The following SND1 variants were observed in gnomAD, a reference collection of about 807,000 sequenced individuals.
The protein encoded by SND1 is staphylococcal nuclease domain-containing protein 1.
SND1 carries 38 observed loss-of-function variants against 121.7 expected under a neutral mutation model. The observed-to-expected ratio is 0.31, with a 90% CI of 0.24 to 0.41. The LOEUF (loss-of-function observed/expected upper bound fraction) is 0.41. SND1 is among the 10% of genes least tolerant of loss of function. The pLI, the probability that SND1 is intolerant of heterozygous loss-of-function variation, is 1.00. For missense variants in SND1, 868 were observed against 1,184.6 expected (o/e 0.73, Z 3.92); for synonymous variants, 401 against 447.4 (o/e 0.90, Z 1.31).
chr7:128,066,795 T>C lies in SND1; in HGVS notation c.1780-7707T>C, dbSNP rs551494078. Among the ~76,000 whole-genome samples the C allele has an allele frequency of 6.9e-4, 105 of 152,232 alleles. 5 individuals carry two copies. The South Asian group carries it at 0.017, about 25-fold the overall frequency. ...TACAGCCTTCACGCAGCATCAGTGA[T>C]GGTAGAAAACCCAGCCTTGGGCAAG... On this transcript the variant is annotated intron_variant, in intron 16 of 23. Transcript: ENST00000354725.
chr7:127,775,277 A>T (rs1458753821), intron 10 of SND1, among the ~76,000 whole-genome samples: 1 of 151,840 alleles, frequency 6.6e-6, no homozygotes, highest in African/African-American at 2.4e-5. Context: ...ATAAATTCCT[A>T]TTGTTTTAAG....
chr7:127,885,179 C>T (rs1799872429), intron 12 of SND1, among the ~76,000 whole-genome samples: 1 of 152,118 alleles, frequency 6.6e-6, no homozygotes, highest in Non-Finnish European at 1.5e-5. Flanking sequence ...AGCATGGCCC[C>T]TGCCCTCACA....
chr7:127,764,671 C>G (rs1463455821), intron 10 of SND1, among the ~76,000 whole-genome samples: 1 of 152,112 alleles, frequency 6.6e-6, no homozygotes, highest in Non-Finnish European at 1.5e-5. Context: ...TTTAAATTTC[C>G]CATTTGCATT....
intron 10 of SND1, among the ~76,000 whole-genome samples, chr7:127,727,869 C>G (rs968824177): frequency 4.6e-5 from 7 of 152,074 alleles, no homozygotes; most frequent in Non-Finnish European, 1.0e-4. Context: ...GTGGGTGGGT[C>G]TTAGCTCATC....
At chr7:127,903,677 G>T (rs546652741) in intron 13 of SND1, among the ~76,000 whole-genome samples, 23 of 152,200 alleles carry the variant, frequency 1.5e-4, no homozygotes, top group Admixed American at 5.9e-4. Flanking sequence ...GCTTATGAGG[G>T]TTTACTTTAG....
intron 10 of SND1, among the ~76,000 whole-genome samples, chr7:127,806,203 C>T (rs1357794037): frequency 6.6e-6 from 1 of 152,188 alleles, no homozygotes; most frequent in African/African-American, 2.4e-5. Flanking sequence ...AGTCTCTTGA[C>T]TTACGCATGT....
intron 12 of SND1, among the ~76,000 whole-genome samples, chr7:127,880,128 G>A (rs1799763684): frequency 6.6e-6 from 1 of 152,178 alleles, no homozygotes; most frequent in African/African-American, 2.4e-5. Context: ...TTCCAGCGTA[G>A]GCTATGAATC....
At chr7:128,022,806 C>G (rs1273448980) in intron 16 of SND1, among the ~76,000 whole-genome samples, 2 of 150,534 alleles carry the variant, frequency 1.3e-5, no homozygotes, top group Non-Finnish European at 1.5e-5. Context: ...TCCCTGAAGG[C>G]TGGGTTGCTT....
At chr7:127,710,180 C>T (rs910754584) in intron 9 of SND1, among the ~76,000 whole-genome samples, 9 of 151,920 alleles carry the variant, frequency 5.9e-5, no homozygotes, top group Non-Finnish European at 1.3e-4. Context: ...ATGTCAGTAT[C>T]GTAAATAAAT....
chr7:128,019,019 C>G (rs953983929), intron 16 of SND1, among the ~76,000 whole-genome samples: 1 of 152,188 alleles, frequency 6.6e-6, no homozygotes, highest in Admixed American at 6.5e-5. Flanking sequence ...CATTTCACAT[C>G]TCAAATGTCC....
intron 1 of SND1, among the ~76,000 whole-genome samples, chr7:127,676,028 T>G (rs1795610130): frequency 1.3e-5 from 2 of 152,232 alleles, no homozygotes; most frequent in African/African-American, 2.4e-5. Flanking sequence ...AGTTTTCGAT[T>G]GTGAAGTCTA....
intron 4 of SND1, among the ~76,000 whole-genome samples, chr7:127,699,333 T>C (rs548057897): frequency 6.6e-6 from 1 of 152,330 alleles, no homozygotes; most frequent in African/African-American, 2.4e-5. Context: ...TAGACTTAGC[T>C]TCTGCTGACG....
rs908027508 is a variant in SND1 at position 127,858,093 on chromosome 7, C to T, written c.1343+13669C>T. On this transcript the variant is annotated intron_variant, in intron 12 of 23. Transcript: ENST00000354725. ...CTCTCTGGGTAGGGGTTGGGGTCTC[C>T]AGTTCCCCCTCTGCCACTTCCTCAG... 4.2e-6 allele frequency: 4 copies of T among 950,336 alleles called. No homozygotes were observed. The Admixed American group carries it at 5.1e-5, about 12-fold the overall frequency. The allele number at this position is 950,336 out of a possible 1,614,324, so 58.9% of individuals were successfully genotyped here. A position where few individuals can be genotyped will look rare whatever the true frequency, so the allele number is the denominator to read the frequency against.
intron 1 of SND1, among the ~76,000 whole-genome samples, chr7:127,660,800 C>T (rs1334071765): frequency 6.6e-6 from 1 of 152,150 alleles, no homozygotes; most frequent in Non-Finnish European, 1.5e-5. Context: ...CTTCTTAAAT[C>T]CTTTCTGGGA....
intron 9 of SND1, among the ~76,000 whole-genome samples, chr7:127,708,237 G>T (rs1293398744): frequency 6.6e-6 from 1 of 152,116 alleles, no homozygotes; most frequent in Non-Finnish European, 1.5e-5. Context: ...ATGATGTTTG[G>T]TAGGTTAGGT....
chr7:127,708,421 T>TCCTCCCTCCCTC (rs35329729), intron 9 of SND1, among the ~76,000 whole-genome samples: 2 of 150,136 alleles, frequency 1.3e-5, no homozygotes, highest in African/African-American at 2.5e-5. Flanking sequence ...CTTCCTGCCT[T>TCCTCCCTCCCTC]CCTCCCTTCC....
intron 13 of SND1, among the ~76,000 whole-genome samples, chr7:127,894,518 AAGAT>A (rs1355749421): frequency 6.6e-6 from 1 of 152,150 alleles, no homozygotes; most frequent in African/African-American, 2.4e-5. Flanking sequence ...GCTAAGTTAA[AAGAT>A]AGAATTTTAG....
intron 10 of SND1, among the ~76,000 whole-genome samples, chr7:127,732,066 C>T (rs1796687048): frequency 6.6e-6 from 1 of 152,218 alleles, no homozygotes; most frequent in Non-Finnish European, 1.5e-5. Context: ...CCTTTGTGCC[C>T]ACCCCAGAGA....
chr7:127,852,163 A>AAAAAT (rs71522258), intron 12 of SND1, among the ~76,000 whole-genome samples: 32,613 of 133,784 alleles, frequency 0.24, 4,098 homozygotes, highest in Non-Finnish European at 0.32. Context: ...CAGTCTCCAA[A>AAAAAT]AAAATAAAAT....
Sources: gnomAD v4.1 joint callset for allele counts (sites outside exome capture counted in the v4.1 genomes callset) on GRCh38, gnomAD v4.1.1 for gene constraint, MANE v1.5 for transcripts, NCBI Gene and HGNC (gene_info 2026-07-23, HGNC 2026-07-21) for gene names.